Variants in CNNM1 observed in about 807,000 individuals in gnomAD.
The protein encoded by CNNM1 is cyclin and CBS domain divalent metal cation transport mediator 1, also known as metal transporter CNNM1.
A neutral mutation model predicts 78.8 loss-of-function variants in CNNM1; 44 were observed. That is an observed-to-expected ratio of 0.56 (90% CI 0.44 to 0.72). The LOEUF (loss-of-function observed/expected upper bound fraction) is 0.72, where lower values mean the gene tolerates loss of function less well. Among genes scored for constraint, CNNM1 ranks in the 30% least tolerant of loss-of-function variants. CNNM1 has a pLI of 0.00. For missense variants in CNNM1, 1,101 were observed against 1,292.2 expected (o/e 0.85, Z 2.27); for synonymous variants, 584 against 581.5 (o/e 1.00, Z -0.06).
intron 8 of CNNM1, 42 bp downstream of exon 8, chr10:99,388,045 G>A: frequency 6.3e-7 from 1 of 1,577,256 alleles, no homozygotes; most frequent in African/African-American, 1.3e-5. Flanking sequence ...CTGGTGTGGG[G>A]TGAGGATGAC....
At chr10:99,378,554 C>T (rs942627730) in intron 7 of CNNM1, among the ~76,000 whole-genome samples, 2 of 152,150 alleles carry the variant, frequency 1.3e-5, no homozygotes, top group African/African-American at 4.8e-5. Context: ...TAAAAGTAAC[C>T]TTGAAAAGTA....
chr10:99,346,064 A>G (rs1163321974), intron 1 of CNNM1, among the ~76,000 whole-genome samples: 2 of 152,170 alleles, frequency 1.3e-5, no homozygotes, highest in Non-Finnish European at 2.9e-5. Flanking sequence ...CAAAAAAAAT[A>G]CCAAAAAATC....
intron 1 of CNNM1, among the ~76,000 whole-genome samples, chr10:99,354,703 T>C (rs1164161930): frequency 6.6e-6 from 1 of 151,966 alleles, no homozygotes; most frequent in East Asian, 1.9e-4. Context: ...AGCTCAAAGT[T>C]GGGGGTAGGG....
chr10:99,346,993 G>C (rs2030722320), intron 1 of CNNM1, among the ~76,000 whole-genome samples: 1 of 152,150 alleles, frequency 6.6e-6, no homozygotes, highest in Admixed American at 6.5e-5. Context: ...TTATGAGTGG[G>C]AGCTAAATAA....
chr10:99,330,446 C>T lies in CNNM1; in HGVS notation c.1059C>T (p.Ala353=). 6.3e-7 allele frequency: 1 copy of T among 1,589,608 alleles called. No individual in the cohort carries two copies. Among genetic ancestry groups the T allele is most frequent in the Non-Finnish European group, 8.6e-7 (1 of 1,168,910 alleles). The change falls in exon 1 of 11, where the codon GCC becomes GCT. Residue 353 remains alanine, a synonymous_variant. Coordinates refer to ENST00000356713, the MANE Select transcript of CNNM1 (RefSeq NM_020348.3). ...CAGTGTGTTCGCGGCACGGGCTGGC[C>T]ATCGCCTCGCACAGCGTGTGCCTGA... is the stretch of plus-strand genomic sequence containing the variant. ...PYSVCSRHGL[A]IASHSVCLTR... is the part of the protein sequence containing the mutation.
intron 1 of CNNM1, among the ~76,000 whole-genome samples, chr10:99,338,000 A>C (rs1379671855): frequency 1.3e-5 from 2 of 152,214 alleles, no homozygotes; most frequent in Non-Finnish European, 2.9e-5. Flanking sequence ...ATTTCTTTTC[A>C]CATGTAAAGC....
intron 1 of CNNM1, among the ~76,000 whole-genome samples, chr10:99,340,516 C>G (rs1431286333): frequency 6.6e-6 from 1 of 152,124 alleles, no homozygotes; most frequent in Non-Finnish European, 1.5e-5. Context: ...GTTTCTCGCT[C>G]CCTTAAAGCA....
chr10:99,357,057 AT>A (rs150883541), intron 1 of CNNM1, among the ~76,000 whole-genome samples: 5,645 of 152,204 alleles, frequency 0.037, 215 homozygotes, highest in East Asian at 0.16. Context: ...CACTGGCATT[AT>A]TTCCTGATTC....
chr10:99,330,310 G>T lies in CNNM1; in HGVS notation c.923G>T (p.Gly308Val). 6.3e-7 allele frequency: 1 copy of T among 1,592,098 alleles called. No homozygotes were observed. The highest frequency in any genetic ancestry group is 8.5e-7 in the Non-Finnish European group (1 of 1,170,042). The change falls in exon 1 of 11, where the codon GGC becomes GTC. Residue 308 changes from glycine to valine, a missense_variant. By Grantham distance (109) the Gly-to-Val change is moderately radical. Coordinates refer to ENST00000356713, the MANE Select transcript of CNNM1 (RefSeq NM_020348.3). ...AGWLYTSLPP[G>V]FGGTGEDYSE... ...TGGCTGTACACCTCGCTGCCGCCGG[G>T]CTTCGGGGGCACCGGGGAAGACTAC... is the stretch of plus-strand genomic sequence containing the variant.
At chr10:99,348,045 TA>T (rs1183458836) in intron 1 of CNNM1, among the ~76,000 whole-genome samples, 4 of 120,364 alleles carry the variant, frequency 3.3e-5, no homozygotes, top group African/African-American at 2.0e-4. Context: ...TGTGTATATA[TA>T]TATATTTTTT....
chr10:99,359,158 C>T (rs1014245746), intron 2 of CNNM1, among the ~76,000 whole-genome samples: 2 of 144,090 alleles, frequency 1.4e-5, no homozygotes, highest in African/African-American at 5.1e-5. Context: ...AGGCTTCCAA[C>T]ACACACTATT....
At chr10:99,377,011 C>T (rs1373280810) in intron 6 of CNNM1, 44 bp from the exon 7 acceptor site, 1 of 1,501,632 alleles carries the variant, frequency 6.7e-7, no homozygotes, top group Non-Finnish European at 9.0e-7. Flanking sequence ...TCTTCCTCCC[C>T]ACCCATCCCT....
intron 1 of CNNM1, among the ~76,000 whole-genome samples, chr10:99,332,449 G>A (rs1180324765): frequency 1.3e-5 from 2 of 151,722 alleles, no homozygotes; most frequent in South Asian, 2.1e-4. Context: ...ATTTGAGCCC[G>A]AGGCTGCAGT....
intron 7 of CNNM1, among the ~76,000 whole-genome samples, chr10:99,382,587 AC>A (rs1432450519): frequency 1.3e-5 from 2 of 152,036 alleles, no homozygotes; most frequent in African/African-American, 4.8e-5. Context: ...ACAAAGTGAG[AC>A]CCCCATCTCT....
intron 1 of CNNM1, among the ~76,000 whole-genome samples, chr10:99,338,625 T>C (rs1260123672): frequency 1.3e-5 from 2 of 152,052 alleles, no homozygotes; most frequent in African/African-American, 2.4e-5. Context: ...GTTTCTATAA[T>C]TTATACAGAA....
Position 99,330,322 on chromosome 10 carries a change from C to A in CNNM1, c.935C>A (p.Thr312Asn). Residue 312 changes from threonine to asparagine, a missense_variant, in exon 1 of 11, where the codon ACC (threonine) becomes AAC (asparagine). This residue lies in a region of CNNM1 where 476 missense variants were observed against 484.5 expected (regional missense o/e 0.98). Transcript: ENST00000356713. ...TCGCTGCCGCCGGGCTTCGGGGGCACCGGGGAAGACTACAGCGAAGAGGGG... is the reference window on the plus strand; with the variant it reads ...TCGCTGCCGCCGGGCTTCGGGGGCAACGGGGAAGACTACAGCGAAGAGGGG... ...YTSLPPGFGG[T>N]GEDYSEEGIH... is the part of the protein sequence containing the mutation. The A allele has an allele frequency of 2.5e-6, 4 of 1,597,210 alleles. No individual in the cohort carries two copies. The highest frequency in any genetic ancestry group is 3.4e-6 in the Non-Finnish European group (4 of 1,172,888).
intron 9 of CNNM1, among the ~76,000 whole-genome samples, chr10:99,389,416 C>CAAAAAA (rs56180037): frequency 1.2e-5 from 1 of 84,018 alleles, no homozygotes; most frequent in Admixed American, 1.4e-4. Context: ...GATTCCATCT[C>CAAAAAA]AAAAAAAAAA....
chr10:99,343,267 T>A (rs4288698), intron 1 of CNNM1, among the ~76,000 whole-genome samples: 1 of 152,062 alleles, frequency 6.6e-6, no homozygotes, highest in Non-Finnish European at 1.5e-5. Flanking sequence ...CCGCCCGGCA[T>A]GTCTTTTATG....
intron 4 of CNNM1, among the ~76,000 whole-genome samples, chr10:99,363,811 C>T (rs2031517956): frequency 7.1e-6 from 1 of 141,354 alleles, no homozygotes; most frequent in Non-Finnish European, 1.5e-5. Flanking sequence ...GTGGCCCGAT[C>T]TCAGCTCACT....
Sources: gnomAD v4.1 joint callset for allele counts (sites outside exome capture counted in the v4.1 genomes callset) on GRCh38, gnomAD v4.1.1 for gene constraint, gnomAD v4.1.1 regional missense constraint, MANE v1.5 for transcripts, NCBI Gene and HGNC (gene_info 2026-07-23, HGNC 2026-07-21) for gene names.